The following SYNE1 variants were observed in gnomAD, a reference collection of about 807,000 sequenced individuals.
SYNE1 encodes nesprin-1.
In SYNE1, 616 loss-of-function variants were observed where a neutral mutation model predicts 1,111.0. The observed-to-expected ratio is 0.55, with a 90% CI of 0.52 to 0.59. The LOEUF (loss-of-function observed/expected upper bound fraction) is 0.59. Among genes scored for constraint, SYNE1 ranks in the 20% least tolerant of loss-of-function variants. SYNE1 has a pLI of 0.00. For synonymous variants in SYNE1, 3,855 were observed against 3,825.8 expected, an observed-to-expected ratio of 1.01 and a Z score of -0.28; for missense variants, 10,006 against 10,417.0, an observed-to-expected ratio of 0.96 and a Z score of 1.72.
chr6:152,178,330 C>T (rs1214154697), intron 129 of SYNE1, among the ~76,000 whole-genome samples: 4 of 152,102 alleles, frequency 2.6e-5, no homozygotes, highest in South Asian at 2.1e-4. Context: ...GCATGAATCA[C>T]GCACTGACAG....
At chr6:152,356,341 A>G (rs1214802760) in intron 66 of SYNE1, among the ~76,000 whole-genome samples, 1 of 151,596 alleles carries the variant, frequency 6.6e-6, no homozygotes, top group African/African-American at 2.4e-5. Flanking sequence ...GTTCATAAGT[A>G]ACCACTTTAT....
chr6:152,460,623 T>C (rs529157794), intron 21 of SYNE1, among the ~76,000 whole-genome samples: 7 of 152,142 alleles, frequency 4.6e-5, no homozygotes, highest in African/African-American at 1.4e-4. Context: ...TTACCCAATC[T>C]AGGTGGATTT....
intron 9 of SYNE1, among the ~76,000 whole-genome samples, chr6:152,504,022 TG>T (rs1277346521): frequency 2.0e-5 from 3 of 152,164 alleles, no homozygotes; most frequent in African/African-American, 7.2e-5. Context: ...AGGATAGCCT[TG>T]TATTTAGGCA....
chr6:152,230,717 T>A lies in SYNE1; in HGVS notation c.21040-15A>T. On this transcript the variant is annotated splice_polypyrimidine_tract_variant and intron_variant, in intron 114 of 145. Coordinates refer to ENST00000367255, the MANE Select transcript of SYNE1 (RefSeq NM_182961.4). ...AACAGCTGGATCTGAACAAACACAA[T>A]AAAATGAAATTTGCAACTTTATTTT... 1 of 1,613,314 alleles carries A rather than the reference T, an allele frequency of 6.2e-7. No individual in the cohort carries two copies. Among genetic ancestry groups the A allele is most frequent in the Non-Finnish European group, 8.5e-7 (1 of 1,179,582 alleles).
intron 91 of SYNE1, among the ~76,000 whole-genome samples, chr6:152,303,098 C>CTTTTTTTTT (rs71017533): frequency 1.3e-4 from 14 of 107,026 alleles, no homozygotes; most frequent in South Asian, 3.2e-4. Context: ...AACTATTATT[C>CTTTTTTTTT]TTTTTTTTTT....
At chr6:152,145,299 C>G (rs1225538673) in intron 137 of SYNE1, 1 of 657,046 alleles carries the variant, frequency 1.5e-6, no homozygotes, top group East Asian at 2.8e-5. Flanking sequence ...TTATTTCGCT[C>G]AATTAGTGAA....
intron 6 of SYNE1, 32 bp downstream of exon 6, chr6:152,520,427 C>T (rs1191547670): frequency 6.2e-7 from 1 of 1,605,296 alleles, no homozygotes; most frequent in Middle Eastern, 1.7e-4. Context: ...ACACCTTCTT[C>T]CTTGGGCATT....
At chr6:152,464,865 C>T (rs1242653287) in intron 18 of SYNE1, 2 of 281,302 alleles carry the variant, frequency 7.1e-6, no homozygotes, top group African/African-American at 4.4e-5. Flanking sequence ...ATACAAATGT[C>T]ATGGTCCAGT....
At chr6:152,420,074 CATT>C (rs1188095643) in intron 39 of SYNE1, among the ~76,000 whole-genome samples, 4 of 152,156 alleles carry the variant, frequency 2.6e-5, no homozygotes, top group African/African-American at 9.7e-5. Flanking sequence ...TAATAATTAT[CATT>C]ATGTTCAATT....
intron 87 of SYNE1, among the ~76,000 whole-genome samples, chr6:152,311,898 C>G (rs914593865): frequency 1.3e-5 from 2 of 152,154 alleles, no homozygotes; most frequent in Non-Finnish European, 2.9e-5. Context: ...GCCTCAGCCC[C>G]CCGAGCAGCT....
chr6:152,402,378 C>T (rs950367725), intron 46 of SYNE1: 6 of 152,146 alleles, frequency 3.9e-5, no homozygotes, highest in African/African-American at 1.4e-4. Flanking sequence ...CTCCAGATAG[C>T]CTTCTTAGGC....
At chr6:152,311,163 G>T (rs923432076) in intron 87 of SYNE1, 13 of 454,622 alleles carry the variant, frequency 2.9e-5, no homozygotes, top group Non-Finnish European at 5.3e-5. Flanking sequence ...CCCCTCGTGA[G>T]AACAGGACAT....
chr6:152,238,430 T>A (rs1007538924), intron 108 of SYNE1, among the ~76,000 whole-genome samples: 9 of 152,186 alleles, frequency 5.9e-5, no homozygotes, highest in Non-Finnish European at 1.2e-4. Flanking sequence ...GCCAGGGACC[T>A]GACATGTCAA....
At chr6:152,155,545 A>G in intron 132 of SYNE1, 1 of 343,032 alleles carries the variant, frequency 2.9e-6, no homozygotes, top group Non-Finnish European at 5.6e-6. Flanking sequence ...ATTTTCTGCC[A>G]CCTTGAATTT....
At position 152,223,821 on chromosome 6, in the gene SYNE1, C is replaced by T. The variant is rs138653261; in HGVS notation, c.21522+673G>A. Among the ~76,000 whole-genome samples the T allele has an allele frequency of 1.2e-4, 19 of 152,308 alleles. No individual in the cohort carries two copies. In the East Asian group the frequency reaches 3.5e-3, roughly 28 times the overall value. On this transcript the variant is annotated intron_variant, in intron 117 of 145. Transcript: ENST00000367255. ...GGGCCTGCCCTGCCCATCCCATAGT[C>T]TGTGTTCTTTAGCCAAGAAGAAAGA... is the stretch of plus-strand genomic sequence containing the variant.
In SYNE1 at chr6:152,163,581, C is replaced by G. The variant is rs536851121; in HGVS notation, c.23790+582G>C. Among the ~76,000 whole-genome samples the G allele has an allele frequency of 1.5e-4, 22 of 151,588 alleles. No homozygotes were observed. The South Asian group carries it at 4.6e-3, about 32-fold the overall frequency. ...TTCTTCTGTATACATTTTCCAGGATCATCCCTTTTTGCTTTGTTGGGTTGT... is the reference window on the plus strand; with the variant it reads ...TTCTTCTGTATACATTTTCCAGGATGATCCCTTTTTGCTTTGTTGGGTTGT... On this transcript the variant is annotated intron_variant, in intron 131 of 145. Coordinates refer to ENST00000367255, the MANE Select transcript of SYNE1 (RefSeq NM_182961.4).
At chr6:152,595,440 G>C (rs575173376) in intron 3 of SYNE1, among the ~76,000 whole-genome samples, 4 of 152,220 alleles carry the variant, frequency 2.6e-5, no homozygotes, top group Non-Finnish European at 5.9e-5. Context: ...CGCTTTCAAG[G>C]CTCTGTCCTT....
chr6:152,220,151 T>C (rs965607557), intron 119 of SYNE1, among the ~76,000 whole-genome samples: 5 of 152,210 alleles, frequency 3.3e-5, no homozygotes, highest in Non-Finnish European at 7.3e-5. Context: ...GATATTAGAA[T>C]AGGTTAAACT....
At chr6:152,160,775 T>G (rs2062319790) in intron 131 of SYNE1, among the ~76,000 whole-genome samples, 1 of 152,180 alleles carries the variant, frequency 6.6e-6, no homozygotes, top group African/African-American at 2.4e-5. Context: ...GCTCCCAGTA[T>G]TGTTTTGGAG....
Sources: gnomAD v4.1 joint callset for allele counts (sites outside exome capture counted in the v4.1 genomes callset) on GRCh38, gnomAD v4.1.1 for gene constraint, MANE v1.5 for transcripts, NCBI Gene and HGNC (gene_info 2026-07-23, HGNC 2026-07-21) for gene names.